Variants in CLDN10 observed in about 807,000 individuals in gnomAD.
CLDN10 encodes the protein claudin 10.
In CLDN10, 15 loss-of-function variants were observed where a neutral mutation model predicts 22.9. That is an observed-to-expected ratio of 0.65 (90% CI 0.44 to 1.01). CLDN10 has a LOEUF of 1.01. Ranked by LOEUF, CLDN10 falls within the 50% of genes least tolerant of loss-of-function variation. The pLI, the probability that CLDN10 is intolerant of heterozygous loss-of-function variation, is 0.00. For synonymous variants in CLDN10, 114 were observed against 111.4 expected (o/e 1.02, Z -0.15); for missense variants, 247 against 287.8 (o/e 0.86, Z 1.03).
At position 95,579,247 on chromosome 13, in the gene CLDN10, T is replaced by A. The variant is rs1699132628; in HGVS notation, c.*1233T>A. On this transcript the variant is annotated 3_prime_UTR_variant, in exon 5 of 5. Transcript: ENST00000299339. ...CTTCCAGAACCTGTTTACGGCTAAC[T>A]GGATAACTGAGAGACTTGTCATTTC... The A allele has an allele frequency of 6.6e-6, 1 of 152,224 alleles. No homozygotes were observed. Among genetic ancestry groups the A allele is most frequent in the Non-Finnish European group, 1.5e-5 (1 of 68,052 alleles). 9.4% of individuals were successfully genotyped at this position (152,224 alleles called of 1,614,324 possible).
intron 1 of CLDN10, among the ~76,000 whole-genome samples, chr13:95,512,326 T>C (rs193032576): frequency 1.3e-5 from 2 of 151,558 alleles, no homozygotes; most frequent in South Asian, 2.1e-4. Context: ...ATATGAGCAA[T>C]GTGTTTGACC....
At chr13:95,567,821 T>A (rs980228233) in intron 3 of CLDN10, among the ~76,000 whole-genome samples, 10 of 152,246 alleles carry the variant, frequency 6.6e-5, no homozygotes, top group African/African-American at 2.4e-4. Context: ...TTGAGAGTTT[T>A]TAGCATGAAG....
intron 1 of CLDN10, among the ~76,000 whole-genome samples, chr13:95,436,470 C>A (rs2139059107): frequency 6.6e-6 from 1 of 152,272 alleles, no homozygotes; most frequent in Admixed American, 6.5e-5. Flanking sequence ...TAAGCATGAG[C>A]CACCACGCCT....
intron 3 of CLDN10, among the ~76,000 whole-genome samples, chr13:95,569,539 G>A (rs904540861): frequency 3.9e-5 from 6 of 151,986 alleles, no homozygotes; most frequent in African/African-American, 1.4e-4. Flanking sequence ...AGCTGAGATC[G>A]CACCACTGCA....
chr13:95,516,029 A>T (rs1382728391), intron 1 of CLDN10, among the ~76,000 whole-genome samples: 4 of 151,956 alleles, frequency 2.6e-5, no homozygotes, highest in Non-Finnish European at 4.4e-5. Context: ...AGCTGAGATT[A>T]TACCACTGCA....
chr13:95,515,164 C>T lies in CLDN10; in HGVS notation c.215-44968C>T, dbSNP rs532933914. 6.8e-5 allele frequency among the ~76,000 whole-genome samples: 10 copies of T among 146,576 alleles called. 1 individual carries two copies. The South Asian group carries it at 1.8e-3, about 27-fold the overall frequency. On this transcript the variant is annotated intron_variant, in intron 1 of 4. Coordinates refer to the CLDN10 transcript ENST00000376873. ...GGGACTAGAGGCACTCAACCCACTGCACCTGGCTAATTACGTTTGTTGTTG... is the reference window on the plus strand; with the variant it reads ...GGGACTAGAGGCACTCAACCCACTGTACCTGGCTAATTACGTTTGTTGTTG...
rs531046270 is a variant in CLDN10, at chr13:95,480,729, C to T, written c.214+46682C>T. On this transcript the variant is annotated intron_variant, in intron 1 of 4. Coordinates refer to the CLDN10 transcript ENST00000376873. ...ATTTGCATTTTAAGCAAACAACCCA[C>T]GTGAATTCTGCTGCATGGGGTCCTC... Among the ~76,000 whole-genome samples, 14 of 152,312 alleles carry T rather than the reference C, an allele frequency of 9.2e-5. 1 individual carries two copies. Among genetic ancestry groups the T allele is most frequent in the African/African-American group, 3.4e-4 (14 of 41,574 alleles).
chr13:95,448,764 T>TTC (rs372698344), intron 1 of CLDN10, among the ~76,000 whole-genome samples: 10 of 149,910 alleles, frequency 6.7e-5, no homozygotes, highest in Admixed American at 4.7e-4. Flanking sequence ...TTGAGGCAGA[T>TTC]TCTCTCTCTC....
At chr13:95,434,738 C>T (rs1325692440) in intron 1 of CLDN10, among the ~76,000 whole-genome samples, 1 of 152,000 alleles carries the variant, frequency 6.6e-6, no homozygotes, top group Non-Finnish European at 1.5e-5. Flanking sequence ...CAACCACTTC[C>T]ACTCTTTCCT....
At chr13:95,517,596 G>T (rs1202557915) in intron 1 of CLDN10, among the ~76,000 whole-genome samples, 1 of 152,098 alleles carries the variant, frequency 6.6e-6, no homozygotes, top group African/African-American at 2.4e-5. Flanking sequence ...CATGCAGGGA[G>T]AATTTCCTGA....
intron 1 of CLDN10, among the ~76,000 whole-genome samples, chr13:95,498,187 C>G (rs2042947844): frequency 6.6e-6 from 1 of 152,154 alleles, no homozygotes; most frequent in African/African-American, 2.4e-5. Context: ...AGGCAGCCCT[C>G]ATCTCCCAGC....
At chr13:95,577,145 A>T (rs1216371803) in intron 3 of CLDN10, 86 bp from the exon 4 acceptor site, 1 of 838,376 alleles carries the variant, frequency 1.2e-6, no homozygotes, top group Non-Finnish European at 2.0e-6. Context: ...CATAATAAGC[A>T]TTTAGTAAAT....
At chr13:95,471,418 T>TATACACACAC (rs1324729354) in intron 1 of CLDN10, among the ~76,000 whole-genome samples, 1 of 106,472 alleles carries the variant, frequency 9.4e-6, no homozygotes, top group Non-Finnish European at 1.9e-5. Flanking sequence ...CACACACATA[T>TATACACACAC]ACACACACAC....
At chr13:95,459,836 AG>A (rs1347949083) in intron 1 of CLDN10, among the ~76,000 whole-genome samples, 8 of 152,200 alleles carry the variant, frequency 5.3e-5, no homozygotes, top group African/African-American at 1.9e-4. Flanking sequence ...TTGCATTGTC[AG>A]GCTGCAAATT....
At chr13:95,490,857 T>C (rs2042865450) in intron 1 of CLDN10, among the ~76,000 whole-genome samples, 1 of 152,226 alleles carries the variant, frequency 6.6e-6, no homozygotes, top group Non-Finnish European at 1.5e-5. Flanking sequence ...TAGCAGAGTA[T>C]TGAAGTCCTC....
Position 95,442,937 on chromosome 13 carries a change from C to T in CLDN10, c.214+8890C>T, listed in dbSNP as rs151094127. On this transcript the variant is annotated intron_variant, in intron 1 of 4. Transcript: ENST00000376873. ...GCAGCTGTCACAATCATAAGTTAGC[C>T]GTCATGTTATTCATTGATGACTTTA... is the stretch of plus-strand genomic sequence containing the variant. Among the ~76,000 whole-genome samples the T allele has an allele frequency of 2.8e-3, 432 of 152,256 alleles. 1 individual carries two copies. The highest frequency in any genetic ancestry group is 5.1e-3 in the Non-Finnish European group (349 of 68,022).
intron 1 of CLDN10, among the ~76,000 whole-genome samples, chr13:95,505,439 C>A (rs1374367130): frequency 6.6e-6 from 1 of 152,206 alleles, no homozygotes; most frequent in African/African-American, 2.4e-5. Context: ...GACTCACTTT[C>A]TTCAGTGCAC....
chr13:95,507,781 G>A (rs572541882), intron 1 of CLDN10, among the ~76,000 whole-genome samples: 23 of 152,010 alleles, frequency 1.5e-4, no homozygotes, highest in Admixed American at 1.1e-3. Context: ...GCACCACCAC[G>A]CCTGGCTAAT....
intron 1 of CLDN10, among the ~76,000 whole-genome samples, chr13:95,484,865 CAAAAAAAAAAAAAAAAAA>C (rs746231195): frequency 1.1e-5 from 1 of 93,640 alleles, no homozygotes; most frequent in African/African-American, 3.8e-5. Flanking sequence ...GACCCTGTCT[CAAAAAAAAAAAAAAAAAA>C]AAAAAAAAAA....
Sources: gnomAD v4.1 joint callset for allele counts (sites outside exome capture counted in the v4.1 genomes callset) on GRCh38, gnomAD v4.1.1 for gene constraint, MANE v1.5 for transcripts, NCBI Gene and HGNC (gene_info 2026-07-23, HGNC 2026-07-21) for gene names.